The following RFX3 variants were observed in gnomAD, a reference collection of about 807,000 sequenced individuals.
RFX3 encodes the protein regulatory factor X3.
A neutral mutation model predicts 98.6 loss-of-function variants in RFX3; 14 were observed. The observed-to-expected ratio is 0.14, with a 90% CI of 0.09 to 0.22. The LOEUF (loss-of-function observed/expected upper bound fraction) is 0.22. Ranked by LOEUF, RFX3 falls within the 10% of genes least tolerant of loss-of-function variation. RFX3 has a pLI of 1.00. For missense variants in RFX3, 639 were observed against 926.9 expected, an observed-to-expected ratio of 0.69 and a Z score of 4.03; for synonymous variants, 383 against 328.4, an observed-to-expected ratio of 1.17 and a Z score of -1.80.
rs115516214 is a variant in RFX3, at chr9:3,312,361, G to C, written c.475-10741C>G. Reference sequence around the variant, plus strand: ...CAGTATCAGTTCCCATCTAGTCAATGGAAACCTTCTTCGAAGGATCTCCAG... The same window carrying C: ...CAGTATCAGTTCCCATCTAGTCAATCGAAACCTTCTTCGAAGGATCTCCAG... On this transcript the variant is annotated intron_variant, in intron 4 of 16. Transcript: ENST00000617270. Among the ~76,000 whole-genome samples the C allele has an allele frequency of 4.2e-3, 633 of 152,192 alleles. 4 individuals are homozygous for C. The highest frequency in any genetic ancestry group is 0.014 in the African/African-American group (585 of 41,506).
intron 1 of RFX3, among the ~76,000 whole-genome samples, chr9:3,504,911 T>C (rs1564185649): frequency 1.3e-5 from 1 of 75,690 alleles, no homozygotes; most frequent in Non-Finnish European, 2.2e-5. Context: ...TATATATATA[T>C]ATAATATAAC....
At chr9:3,300,110 C>T (rs949987913) in intron 5 of RFX3, among the ~76,000 whole-genome samples, 1 of 151,300 alleles carries the variant, frequency 6.6e-6, no homozygotes, top group South Asian at 2.1e-4. Context: ...ACCCCCCGGA[C>T]ACACACAGCC....
intron 3 of RFX3, among the ~76,000 whole-genome samples, chr9:3,334,714 A>C (rs910472779): frequency 3.9e-5 from 6 of 152,206 alleles, no homozygotes; most frequent in Admixed American, 1.3e-4. Context: ...GAATTATATT[A>C]AGGAATGAAG....
At chr9:3,516,156 C>A (rs946284251) in intron 1 of RFX3, among the ~76,000 whole-genome samples, 1 of 152,044 alleles carries the variant, frequency 6.6e-6, no homozygotes, top group African/African-American at 2.4e-5. Flanking sequence ...TCACACCATT[C>A]TCTCACCTCA....
At chr9:3,436,395 T>G (rs1208745951) in intron 1 of RFX3, among the ~76,000 whole-genome samples, 1 of 152,070 alleles carries the variant, frequency 6.6e-6, no homozygotes, top group Non-Finnish European at 1.5e-5. Context: ...GGGAAAAATT[T>G]TGAGTGATCT....
intron 1 of RFX3, among the ~76,000 whole-genome samples, chr9:3,417,066 G>A (rs1368167992): frequency 6.6e-6 from 1 of 151,594 alleles, no homozygotes; most frequent in Non-Finnish European, 1.5e-5. Flanking sequence ...AATATCAAAG[G>A]AAATTTCAAA....
chr9:3,389,770 G>C (rs1027215647), intron 2 of RFX3, among the ~76,000 whole-genome samples: 2 of 151,902 alleles, frequency 1.3e-5, no homozygotes, highest in Non-Finnish European at 2.9e-5. Flanking sequence ...TTTAATGCTG[G>C]GTCCCACCCC....
intron 15 of RFX3, among the ~76,000 whole-genome samples, chr9:3,238,598 C>T (rs898813629): frequency 8.5e-5 from 13 of 152,160 alleles, no homozygotes; most frequent in Non-Finnish European, 1.5e-4. Flanking sequence ...ATTGTTCACA[C>T]GCAGATTTGG....
rs573403475 is a variant in RFX3, at chr9:3,285,802, T to C, written c.851+2329A>G. ...TAATACTACTGAGATTCTTATATCA[T>C]TTCTGAAATGTCTCCATATTTTATC... On this transcript the variant is annotated intron_variant, in intron 7 of 16. Coordinates refer to ENST00000617270, the MANE Select transcript of RFX3 (RefSeq NM_001282116.2). Among the ~76,000 whole-genome samples the C allele has an allele frequency of 3.9e-5, 6 of 151,938 alleles. No homozygotes were observed. The East Asian group carries it at 9.7e-4, about 24-fold the overall frequency.
chr9:3,375,558 T>A (rs1200162681), intron 2 of RFX3, among the ~76,000 whole-genome samples: 1 of 152,262 alleles, frequency 6.6e-6, no homozygotes, highest in Non-Finnish European at 1.5e-5. Context: ...CTCACTTATG[T>A]TACTTTTTCA....
At chr9:3,396,382 A>G (rs1229651808) in intron 1 of RFX3, among the ~76,000 whole-genome samples, 5 of 152,018 alleles carry the variant, frequency 3.3e-5, no homozygotes, top group African/African-American at 1.2e-4. Flanking sequence ...ATCATTTTTT[A>G]TGGCTGCATA....
At chr9:3,341,457 T>C (rs1193544076) in intron 3 of RFX3, among the ~76,000 whole-genome samples, 1 of 151,884 alleles carries the variant, frequency 6.6e-6, no homozygotes, top group African/African-American at 2.4e-5. Flanking sequence ...ATCAATGACC[T>C]TGATAAGGGC....
intron 4 of RFX3, among the ~76,000 whole-genome samples, chr9:3,308,183 T>C (rs1306689050): frequency 1.3e-5 from 2 of 152,122 alleles, no homozygotes; most frequent in Non-Finnish European, 2.9e-5. Flanking sequence ...CCTATGATTA[T>C]CTAACGTTAG....
chr9:3,366,704 TTCTTTCTTTC>T (rs1837184354), intron 2 of RFX3, among the ~76,000 whole-genome samples: 1 of 118,036 alleles, frequency 8.5e-6, no homozygotes, highest in Non-Finnish European at 1.8e-5. Flanking sequence ...CTTTCTTTCT[TTCTTTCTTTC>T]TTTCTTTCTT....
At position 3,366,678 on chromosome 9, in the gene RFX3, C is replaced by CTTT. The variant is rs1258081962; in HGVS notation, c.118-19917_118-19915dup. Among the ~76,000 whole-genome samples the CTTT allele has an allele frequency of 9.3e-3, 1,105 of 118,806 alleles. 84 individuals carry two copies. The highest frequency in any genetic ancestry group is 0.035 in the African/African-American group (1,046 of 30,142). 77.9% of individuals were successfully genotyped at this position (118,806 alleles called of 152,430 possible). A position where few individuals can be genotyped will look rare whatever the true frequency, so the allele number is the denominator to read the frequency against. On this transcript the variant is annotated intron_variant, in intron 2 of 16. Transcript: ENST00000617270. Reference sequence around the variant, plus strand: ...TTTCCTTTTCTTTCTCTTTCTCTTTCTTTCTTCTTTCTTTCCTTTCTTTCT... The same window carrying CTTT: ...TTTCCTTTTCTTTCTCTTTCTCTTTCTTTTTTCTTCTTTCTTTCCTTTCTTTCT...
chr9:3,509,353 A>C (rs892883915), intron 1 of RFX3, among the ~76,000 whole-genome samples: 6 of 151,996 alleles, frequency 3.9e-5, no homozygotes, highest in Non-Finnish European at 8.8e-5. Flanking sequence ...AATTAAATGA[A>C]TGTTTACAAA....
intron 7 of RFX3, among the ~76,000 whole-genome samples, chr9:3,278,823 G>C (rs920298275): frequency 6.6e-5 from 10 of 151,724 alleles, no homozygotes; most frequent in African/African-American, 2.2e-4. Flanking sequence ...AAAAAATAAA[G>C]TCAGAGGGGG....
chr9:3,420,477 G>A lies in RFX3; in HGVS notation c.-8-24881C>T, dbSNP rs189117022. Among the ~76,000 whole-genome samples the A allele has an allele frequency of 2.2e-3, 335 of 152,218 alleles. 8 individuals are homozygous for A. Among genetic ancestry groups the A allele is most frequent in the Admixed American group, 0.021 (314 of 15,304 alleles). On this transcript the variant is annotated intron_variant, in intron 1 of 16. Transcript: ENST00000617270. ...ATTATTTTATTTGAACCCCACAACA[G>A]CCCTTTTAAGAGGTAGTATAGATAT...
rs974147767 is a variant in RFX3 at position 3,430,496 on chromosome 9, C to T, written c.-8-34900G>A. Reference sequence around the variant, plus strand: ...ATTACCATCAAATGAACATTTGTGCCTCAAAGGCACTTGGTAAAATTTTTT... The same window carrying T: ...ATTACCATCAAATGAACATTTGTGCTTCAAAGGCACTTGGTAAAATTTTTT... On this transcript the variant is annotated intron_variant, in intron 1 of 16. Transcript: ENST00000617270. 3.9e-5 allele frequency among the ~76,000 whole-genome samples: 6 copies of T among 152,258 alleles called. No individual in the cohort carries two copies. In the South Asian group the frequency reaches 6.2e-4, roughly 16 times the overall value.
Sources: allele counts gnomAD v4.1 joint callset (sites outside exome capture counted in the v4.1 genomes callset), GRCh38; gene constraint gnomAD v4.1.1; transcripts MANE v1.5; gene names NCBI Gene and HGNC (gene_info 2026-07-23, HGNC 2026-07-21).